Variants in DMD observed in about 807,000 individuals in gnomAD.
The protein encoded by DMD is dystrophin.
Under a neutral mutation model 330.1 loss-of-function variants are expected in DMD, and 63 were observed. That is an observed-to-expected ratio of 0.19 (90% CI 0.16 to 0.24). The LOEUF (loss-of-function observed/expected upper bound fraction) is 0.24. Ranked by LOEUF, DMD falls within the 10% of genes least tolerant of loss-of-function variation. DMD has a pLI of 1.00. For missense variants in DMD, 3,344 were observed against 2,684.1 expected (o/e 1.25, Z -5.43); for synonymous variants, 1,223 against 959.8 (o/e 1.27, Z -5.07).
chrX:31,351,830 A>G (rs2058443973), intron 60 of DMD, among the ~76,000 whole-genome samples: 2 of 110,082 alleles, frequency 1.8e-5, no homozygotes, highest in Admixed American at 1.9e-4. Context: ...AATATGTGGC[A>G]TGACAATATG....
At chrX:32,097,669 C>A (rs1011187789) in intron 44 of DMD, among the ~76,000 whole-genome samples, 4 of 111,642 alleles carry the variant, frequency 3.6e-5, no homozygotes, top group Non-Finnish European at 7.5e-5. Context: ...ATGGAAATAC[C>A]TATAATAACT....
At chrX:31,243,840 T>C (rs2048582510) in intron 63 of DMD, among the ~76,000 whole-genome samples, 2 of 112,569 alleles carry the variant, frequency 1.8e-5, no homozygotes, top group Non-Finnish European at 3.7e-5. Flanking sequence ...AAAGGTGTTA[T>C]GCATAAAGGT....
At chrX:31,453,785 A>AAG (rs2065949985) in intron 59 of DMD, among the ~76,000 whole-genome samples, 1 of 104,841 alleles carries the variant, frequency 9.5e-6, no homozygotes, top group African/African-American at 3.4e-5. Flanking sequence ...AAAAAAAAAA[A>AAG]AAAAACCACA....
intron 77 of DMD, among the ~76,000 whole-genome samples, chrX:31,129,402 G>C (rs2034186244): frequency 8.9e-6 from 1 of 111,990 alleles, no homozygotes; most frequent in Admixed American, 9.5e-5. Flanking sequence ...CAATAATCTT[G>C]TTCAGCTGAA....
At chrX:32,298,937 T>C (rs1028251647) in intron 42 of DMD, among the ~76,000 whole-genome samples, 3 of 111,337 alleles carry the variant, frequency 2.7e-5, no homozygotes, top group African/African-American at 9.8e-5. Flanking sequence ...AATTCAAGTC[T>C]ACAGGTTGGT....
At chrX:33,097,607 C>T (rs866613537) in intron 1 of DMD, among the ~76,000 whole-genome samples, 6 of 59,626 alleles carry the variant, frequency 1.0e-4, no homozygotes, top group Admixed American at 2.8e-4. Context: ...ACATGAGACT[C>T]TTTTTTTTTT....
chrX:32,671,844 A>C (rs188199147), intron 9 of DMD, among the ~76,000 whole-genome samples: 1 of 112,047 alleles, frequency 8.9e-6, no homozygotes, highest in East Asian at 2.8e-4. Context: ...ATGAAAGTAG[A>C]TGCATATACT....
At chrX:32,820,682 T>TA (rs2078167704) in intron 5 of DMD, among the ~76,000 whole-genome samples, 1 of 111,489 alleles carries the variant, frequency 9.0e-6, no homozygotes, top group South Asian at 3.8e-4. Flanking sequence ...TGTCAAAACT[T>TA]ACATCTGTCT....
intron 11 of DMD, among the ~76,000 whole-genome samples, chrX:32,643,439 C>T (rs1285747476): frequency 2.7e-5 from 3 of 109,935 alleles, no homozygotes; most frequent in Non-Finnish European, 5.7e-5. Flanking sequence ...CCACAGTTGG[C>T]ACTTCATTTC....
chrX:32,627,778 G>A (rs1317740059), intron 11 of DMD, among the ~76,000 whole-genome samples: 1 of 111,387 alleles, frequency 9.0e-6, no homozygotes, highest in Non-Finnish European at 1.9e-5. Flanking sequence ...TTTATACAGA[G>A]ATTGTCATTA....
At chrX:32,936,125 T>C (rs1205258695) in intron 2 of DMD, among the ~76,000 whole-genome samples, 1 of 103,132 alleles carries the variant, frequency 9.7e-6, no homozygotes, top group Non-Finnish European at 2.0e-5. Context: ...TTTTTTTTTT[T>C]CTGGAGACGG....
Position 32,422,699 on chromosome X carries a change from T to C in DMD, c.4072-10786A>G, listed in dbSNP as rs1011723476. ...GCATGATGAACTTGAAAAATATTTT[T>C]ATTCCTCATTCCATCTAGGGACACT... On this transcript the variant is annotated intron_variant, in intron 29 of 78. Transcript: ENST00000357033. 2.7e-5 allele frequency among the ~76,000 whole-genome samples: 3 copies of C among 111,924 alleles called. No individual in the cohort carries two copies. The South Asian group carries it at 1.1e-3, about 41-fold the overall frequency.
At chrX:31,314,742 CAGAGAGAGAGAGAGAGAGAGAGAGAG>C (rs199994602) in intron 62 of DMD, among the ~76,000 whole-genome samples, 1 of 55,283 alleles carries the variant, frequency 1.8e-5, no homozygotes, top group Non-Finnish European at 3.2e-5. Context: ...AATACATACA[CAGAGAGAGAGAGAGAGAGAGAGAGAG>C]AGAGAGAGAG....
chrX:32,906,660 G>A (rs1216600569), intron 2 of DMD, among the ~76,000 whole-genome samples: 1 of 111,617 alleles, frequency 9.0e-6, no homozygotes, highest in Non-Finnish European at 1.9e-5. Context: ...TAGAATGAGA[G>A]GCGTTTTAAT....
chrX:33,010,234 A>ACACATGTGTGTATATG (rs1569549291), intron 2 of DMD, among the ~76,000 whole-genome samples: 1 of 96,781 alleles, frequency 1.0e-5, no homozygotes, highest in Admixed American at 1.1e-4. Flanking sequence ...GTGTGTATAT[A>ACACATGTGTGTATATG]TGTACATATG....
At position 32,577,562 on chromosome X, in the gene DMD, T is replaced by G. The variant is rs532222887; in HGVS notation, c.1603-3716A>C. 4.4e-5 allele frequency among the ~76,000 whole-genome samples: 5 copies of G among 112,558 alleles called. No individual in the cohort carries two copies. The South Asian group carries it at 1.8e-3, about 41-fold the overall frequency. On this transcript the variant is annotated intron_variant, in intron 13 of 78. Transcript: ENST00000357033. ...TAAGAGTTGGTCGTTGTTTACAATT[T>G]GCTTGATCATGGTTCTTACATCAAA...
chrX:32,576,376 T>C (rs1466950431), intron 13 of DMD, among the ~76,000 whole-genome samples: 1 of 111,201 alleles, frequency 9.0e-6, no homozygotes, highest in Non-Finnish European at 1.9e-5. Flanking sequence ...AGTTTTTCTT[T>C]GGCATATTTG....
At chrX:32,201,478 C>CG (rs1400700137) in intron 44 of DMD, among the ~76,000 whole-genome samples, 1 of 94,831 alleles carries the variant, frequency 1.1e-5, no homozygotes, top group African/African-American at 3.8e-5. Flanking sequence ...CACCCCCCCC[C>CG]CCCCCAACAA....
chrX:32,857,579 T>C (rs1907767776), intron 2 of DMD, among the ~76,000 whole-genome samples: 1 of 112,118 alleles, frequency 8.9e-6, no homozygotes, highest in South Asian at 3.7e-4. Context: ...GAAGAAAATA[T>C]AGTTAACTGT....
Sources: allele counts gnomAD v4.1 joint callset (sites outside exome capture counted in the v4.1 genomes callset), GRCh38; gene constraint gnomAD v4.1.1; transcripts MANE v1.5; gene names NCBI Gene and HGNC (gene_info 2026-07-23, HGNC 2026-07-21).